The following ZFYVE26 variants were observed in gnomAD, a reference collection of about 807,000 sequenced individuals.
ZFYVE26 encodes the protein zinc finger FYVE domain-containing protein 26.
In ZFYVE26, 181 loss-of-function variants were observed where a neutral mutation model predicts 276.5. That is an observed-to-expected ratio of 0.65 (90% confidence interval 0.58 to 0.74). The LOEUF is 0.74. ZFYVE26 is among the 30% of genes least tolerant of loss of function. The probability of loss-of-function intolerance (pLI) is 0.00; values close to 1 mark genes in which losing one functional copy is unlikely to be tolerated. For synonymous variants in ZFYVE26, 1,129 were observed against 1,203.1 expected (o/e 0.94, Z 1.27); for missense variants, 2,821 against 3,097.9 (o/e 0.91, Z 2.12).
chr14:67,776,470 T>G (rs900294316), intron 25 of ZFYVE26, among the ~76,000 whole-genome samples: 1 of 152,228 alleles, frequency 6.6e-6, no homozygotes, highest in Non-Finnish European at 1.5e-5. Flanking sequence ...CAATAACACT[T>G]GCTTTACAAA....
intron 11 of ZFYVE26, 127 bp from the exon 12 acceptor site, chr14:67,797,882 AC>A: frequency 6.3e-7 from 1 of 1,581,822 alleles, no homozygotes; most frequent in Non-Finnish European, 8.6e-7. Flanking sequence ...CAGTGTTCTG[AC>A]ACTGGTTGCC....
At position 67,762,243 on chromosome 14, in the gene ZFYVE26, A is replaced by G. The variant is rs754170372; in HGVS notation, c.6329T>C (p.Val2110Ala). 29 of 1,614,004 alleles carry G rather than the reference A, an allele frequency of 1.8e-5. No homozygotes were observed. In the African/African-American group the frequency reaches 2.3e-4, roughly 13 times the overall value. Residue 2110 changes from valine to alanine, a missense_variant, in exon 34 of 42, where the codon GTT (valine) becomes GCT (alanine). By Grantham distance (64) the Val-to-Ala change is moderately conservative. Transcript: ENST00000347230. The stretch of plus-strand genomic sequence containing the variant: ...CCTCACTGTGGACTCTAGGTACTCA[A>G]CCACATCCTGCACCAGCCTTGAGCC... ...NHGSRLVQDVVEYLESTVRPF... is the reference protein window; with the variant it reads ...NHGSRLVQDVAEYLESTVRPF...
chr14:67,753,932 C>G (rs1315995371), intron 38 of ZFYVE26, 139 bp downstream of exon 38: 1 of 1,518,736 alleles, frequency 6.6e-7, no homozygotes, highest in Non-Finnish European at 9.1e-7. Flanking sequence ...GACCTGATCA[C>G]CAGTCTTTGG....
chr14:67,756,518 T>C (rs945933500), intron 35 of ZFYVE26: 2 of 249,068 alleles, frequency 8.0e-6, no homozygotes, highest in Non-Finnish European at 1.6e-5. Context: ...TTATTTTCTA[T>C]CTGATCAATC....
Position 67,804,150 on chromosome 14 carries a change from A to G in ZFYVE26, c.1386T>C (p.Val462=), listed in dbSNP as rs1181139858. 2 of 1,614,096 alleles carry G rather than the reference A, an allele frequency of 1.2e-6. No individual in the cohort carries two copies. The highest frequency in any genetic ancestry group is 3.3e-5 in the Admixed American group (2 of 59,998). The change falls in exon 9 of 42, where the codon GTT becomes GTC. Residue 462 remains valine, a synonymous_variant. Coordinates refer to ENST00000347230, the MANE Select transcript of ZFYVE26 (RefSeq NM_015346.4). ...TNLPALREED[V]LKLLQKVPAK... is the part of the protein sequence containing the mutation. The stretch of plus-strand genomic sequence containing the variant: ...CTGGCACTTTCTGTAAGAGCTTGAG[A>G]ACATCTTCCTCCCTGAGGGCTGGAA...
chr14:67,769,617 C>T lies in ZFYVE26; in HGVS notation c.5598G>A (p.Gln1866=). 6.2e-7 allele frequency: 1 copy of T among 1,614,008 alleles called. No homozygotes were observed. ...ACTCTTTGTTGCAGTAACTATAGCA[C>T]TGATCACACACACGAGCAGGGTTCT... ...CRENPARVCD[Q]CYSYCNKDVP... is the part of the protein sequence containing the mutation. Residue 1866 remains glutamine (Q), a synonymous_variant, in exon 29 of 42, where the codon CAG becomes CAA. Coordinates refer to ENST00000347230, the MANE Select transcript of ZFYVE26 (RefSeq NM_015346.4).
chr14:67,801,796 G>A (rs554350503), intron 10 of ZFYVE26, among the ~76,000 whole-genome samples: 2 of 152,206 alleles, frequency 1.3e-5, no homozygotes, highest in East Asian at 3.8e-4. Flanking sequence ...GCAAACTGGA[G>A]TAGGATGTAA....
At chr14:67,769,817 A>T in intron 28 of ZFYVE26, 87 bp from the exon 29 acceptor site, 1 of 1,572,398 alleles carries the variant, frequency 6.4e-7, no homozygotes, top group Non-Finnish European at 8.7e-7. Context: ...ATTAACTACC[A>T]GTGGCTTATA....
intron 14 of ZFYVE26, among the ~76,000 whole-genome samples, chr14:67,791,019 T>C (rs2039800423): frequency 6.6e-6 from 1 of 152,220 alleles, no homozygotes; most frequent in South Asian, 2.1e-4. Context: ...AGGAAATATA[T>C]ATGACTAATA....
rs536546582 is a variant in ZFYVE26 at position 67,738,200 on chromosome 14, C to T, written n.2680-8381G>A. Among the ~76,000 whole-genome samples the T allele has an allele frequency of 3.3e-5, 5 of 151,876 alleles. No individual in the cohort carries two copies. In the East Asian group the frequency reaches 9.7e-4, roughly 29 times the overall value. On this transcript the variant is annotated intron_variant and non_coding_transcript_variant, in intron 13 of 14. Transcript: ENST00000394455. ...TTCAGCTTCTTAATATCTGCAGTAA[C>T]ATTAGCCTATGTATGTAAAGAGGAG...
intron 3 of ZFYVE26, among the ~76,000 whole-genome samples, chr14:67,812,376 G>A (rs924855975): frequency 3.3e-5 from 5 of 152,118 alleles, no homozygotes; most frequent in African/African-American, 9.7e-5. Flanking sequence ...ATGGAGGAAA[G>A]GGAAAATAGA....
intron 14 of ZFYVE26, among the ~76,000 whole-genome samples, chr14:67,792,804 C>G (rs1039465102): frequency 6.8e-6 from 1 of 147,012 alleles, no homozygotes; most frequent in Non-Finnish European, 1.5e-5. Context: ...CCTAACTACT[C>G]GGGAGGCTGA....
In ZFYVE26 at chr14:67,753,765, A is replaced by C; in HGVS notation, c.7130T>G (p.Val2377Gly). ...NHMKMDVACK[V>G]MLGGKNVEDG... Reference sequence around the variant, plus strand: ...TTCTACATTTTTCCCTCCCAGCATGACCTGAAAAGGAAAGGGAATCATGCT... The same window carrying C: ...TTCTACATTTTTCCCTCCCAGCATGCCCTGAAAAGGAAAGGGAATCATGCT... The change falls in exon 39 of 42, where the codon GTC becomes GGC. Residue 2377 changes from valine (V) to glycine (G), a missense_variant and splice_region_variant. Physicochemically the swap from Val to Gly is moderately radical, Grantham distance 109. Coordinates refer to ENST00000347230, the MANE Select transcript of ZFYVE26 (RefSeq NM_015346.4). 1 of 1,612,472 alleles carries C rather than the reference A, an allele frequency of 6.2e-7. No individual in the cohort carries two copies. Among genetic ancestry groups the C allele is most frequent in the South Asian group, 1.1e-5 (1 of 90,822 alleles).
chr14:67,758,607 C>A (rs2038848286), intron 35 of ZFYVE26, among the ~76,000 whole-genome samples: 3 of 147,742 alleles, frequency 2.0e-5, no homozygotes, highest in African/African-American at 7.5e-5. Context: ...TGAAAGGATA[C>A]TAAAAGGATA....
At chr14:67,791,541 G>A (rs2039813127) in intron 14 of ZFYVE26, among the ~76,000 whole-genome samples, 2 of 151,600 alleles carry the variant, frequency 1.3e-5, no homozygotes, top group South Asian at 4.1e-4. Context: ...AATATTGGTT[G>A]TTCCATACTA....
At chr14:67,772,263 T>C (rs1026717758) in intron 27 of ZFYVE26, 53 bp from the exon 28 acceptor site, 31 of 1,570,286 alleles carry the variant, frequency 2.0e-5, no homozygotes, top group African/African-American at 1.1e-4. Context: ...TACCAGCTTA[T>C]AGATGAAGAG....
At chr14:67,786,268 A>AAAAAAAAAAAAG (rs1355796710) in intron 16 of ZFYVE26, 35 bp from the exon 17 acceptor site, 1 of 1,592,628 alleles carries the variant, frequency 6.3e-7, no homozygotes, top group Non-Finnish European at 8.5e-7. Flanking sequence ...AATGCAAAAA[A>AAAAAAAAAAAAG]AAAAAATTGA....
intron 13 of ZFYVE26, chr14:67,734,018 T>A: frequency 1.7e-6 from 1 of 578,352 alleles, no homozygotes; most frequent in South Asian, 1.6e-5. Context: ...GACACTCTTG[T>A]GAGACTGGCT....
intron 29 of ZFYVE26, 135 bp from the exon 30 acceptor site, chr14:67,768,683 A>G: frequency 1.2e-6 from 1 of 827,348 alleles, no homozygotes; most frequent in Non-Finnish European, 2.0e-6. Flanking sequence ...TGTTGAATGA[A>G]AGAGTCCCCC....
Sources: gnomAD v4.1 joint callset for allele counts (sites outside exome capture counted in the v4.1 genomes callset) on GRCh38, gnomAD v4.1.1 for gene constraint, MANE v1.5 for transcripts, NCBI Gene and HGNC (gene_info 2026-07-23, HGNC 2026-07-21) for gene names.